KIF6: variants seen among roughly 807,000 people sequenced by gnomAD.
KIF6 encodes the protein kinesin-like protein KIF6.
In KIF6, 106 loss-of-function variants were observed where a neutral mutation model predicts 112.7. The ratio of observed to expected loss-of-function variants is 0.94; its 90% CI spans 0.80 to 1.11. The LOEUF (loss-of-function observed/expected upper bound fraction) is 1.11. KIF6 is among the 50% of genes least tolerant of loss of function. KIF6 has a pLI of 0.00. For synonymous variants in KIF6, 339 were observed against 339.9 expected (o/e 1.00, Z 0.03); for missense variants, 929 against 964.0 (o/e 0.96, Z 0.48).
At chr6:39,521,414 A>G (rs1355997577) in intron 13 of KIF6, among the ~76,000 whole-genome samples, 1 of 152,172 alleles carries the variant, frequency 6.6e-6, no homozygotes, top group Non-Finnish European at 1.5e-5. Flanking sequence ...CCAATTTTAT[A>G]AACATCCAAC....
intron 9 of KIF6, among the ~76,000 whole-genome samples, chr6:39,581,760 C>T (rs1204885702): frequency 6.6e-6 from 1 of 152,022 alleles, no homozygotes; most frequent in Non-Finnish European, 1.5e-5. Flanking sequence ...GGGCTTTAAT[C>T]TCTATTCCTT....
intron 13 of KIF6, 38 bp downstream of exon 13, chr6:39,539,965 A>G (rs1367088543): frequency 2.7e-6 from 4 of 1,476,958 alleles, no homozygotes; most frequent in Non-Finnish European, 2.8e-6. Context: ...GAAATCCATT[A>G]CAGACAATGA....
intron 3 of KIF6, among the ~76,000 whole-genome samples, chr6:39,700,823 A>G (rs1295360624): frequency 6.6e-6 from 1 of 151,428 alleles, no homozygotes; most frequent in Non-Finnish European, 1.5e-5. Context: ...AGCCATTCTC[A>G]TACCTCAACC....
At chr6:39,507,738 T>C (rs115902232) in intron 13 of KIF6, among the ~76,000 whole-genome samples, 3,174 of 143,912 alleles carry the variant, frequency 0.022, 79 homozygotes, top group African/African-American at 0.061. Flanking sequence ...CTTCCCTCCT[T>C]CCTTCCTTCC....
At chr6:39,583,008 T>C (rs1781378546) in intron 9 of KIF6, among the ~76,000 whole-genome samples, 1 of 152,222 alleles carries the variant, frequency 6.6e-6, no homozygotes, top group Non-Finnish European at 1.5e-5. Flanking sequence ...TTATCAGCTA[T>C]TAGCTTTTGA....
At position 39,544,683 on chromosome 6, in the gene KIF6, T is replaced by G; in HGVS notation, c.1298A>C (p.Asn433Thr). The change falls in exon 12 of 23, where the codon AAT becomes ACT. Residue 433 changes from asparagine to threonine, a missense_variant. By Grantham distance (65) the Asn-to-Thr change is moderately conservative (BLOSUM62 0). This residue lies in a region of KIF6 where 688 missense variants were observed against 662.7 expected (regional missense o/e 1.04). Coordinates refer to ENST00000287152, the MANE Select transcript of KIF6 (RefSeq NM_145027.6). Reference sequence around the variant, plus strand: ...ATTGTTTTCAAGGATCTTCTTGTCATTCAATAGTTTCTGTAAGATAAAATA... The same window carrying G: ...ATTGTTTTCAAGGATCTTCTTGTCAGTCAATAGTTTCTGTAAGATAAAATA... Reference protein sequence around the residue: ...HCFHHLKKLLNDKKILENNTV... With the variant: ...HCFHHLKKLLTDKKILENNTV... The G allele has an allele frequency of 6.3e-7, 1 of 1,592,898 alleles. No individual in the cohort carries two copies. Among genetic ancestry groups the G allele is most frequent in the Non-Finnish European group, 8.5e-7 (1 of 1,171,554 alleles).
At chr6:39,491,441 C>A (rs1344350815) in intron 13 of KIF6, among the ~76,000 whole-genome samples, 1 of 152,138 alleles carries the variant, frequency 6.6e-6, no homozygotes, top group Non-Finnish European at 1.5e-5. Context: ...CTAATCCCTT[C>A]CCAAACTCCT....
chr6:39,606,518 T>G (rs1782899253), intron 6 of KIF6, among the ~76,000 whole-genome samples: 1 of 152,126 alleles, frequency 6.6e-6, no homozygotes, highest in Admixed American at 6.6e-5. Flanking sequence ...AGAGGATAGG[T>G]GAGGAAATAT....
intron 13 of KIF6, among the ~76,000 whole-genome samples, chr6:39,531,022 CA>C (rs895469720): frequency 9.4e-5 from 14 of 149,024 alleles, no homozygotes; most frequent in East Asian, 2.0e-4. Context: ...GTAGTTTTGC[CA>C]AAAAAAAACA....
At chr6:39,523,417 G>A (rs1236171622) in intron 13 of KIF6, among the ~76,000 whole-genome samples, 2 of 151,736 alleles carry the variant, frequency 1.3e-5, no homozygotes, top group South Asian at 2.1e-4. Flanking sequence ...AGAAAATAAA[G>A]TTCTAAATTC....
At chr6:39,655,979 G>C (rs1266959832) in intron 3 of KIF6, among the ~76,000 whole-genome samples, 2 of 152,140 alleles carry the variant, frequency 1.3e-5, no homozygotes, top group African/African-American at 4.8e-5. Context: ...TTTGACCACA[G>C]AAGACATTTT....
chr6:39,486,382 T>C (rs371133730), intron 13 of KIF6, among the ~76,000 whole-genome samples: 9 of 152,154 alleles, frequency 5.9e-5, no homozygotes, highest in Admixed American at 4.6e-4. Context: ...GCACCCGTCA[T>C]GTGGATGGGC....
chr6:39,364,769 C>T (rs145108262), intron 16 of KIF6, among the ~76,000 whole-genome samples: 79 of 152,284 alleles, frequency 5.2e-4, no homozygotes, highest in Non-Finnish European at 6.6e-4. Flanking sequence ...GATTCTTGGT[C>T]TCAGAGAGGG....
intron 5 of KIF6, among the ~76,000 whole-genome samples, chr6:39,618,752 T>G (rs1366300545): frequency 6.6e-6 from 1 of 152,182 alleles, no homozygotes; most frequent in Non-Finnish European, 1.5e-5. Flanking sequence ...AGTCTCAACT[T>G]AAGCATTCCT....
chr6:39,710,703 G>A (rs1043754981), intron 3 of KIF6, among the ~76,000 whole-genome samples: 1 of 152,118 alleles, frequency 6.6e-6, no homozygotes, highest in Non-Finnish European at 1.5e-5. Context: ...AAAGAGAGGA[G>A]AACTATGAAT....
chr6:39,617,292 T>C (rs1027422403), intron 5 of KIF6, among the ~76,000 whole-genome samples: 1 of 152,182 alleles, frequency 6.6e-6, no homozygotes, highest in Admixed American at 6.5e-5. Context: ...TTGGAATTTG[T>C]AGACTCTTTT....
intron 3 of KIF6, among the ~76,000 whole-genome samples, chr6:39,676,136 A>G (rs1323155770): frequency 6.6e-6 from 1 of 152,034 alleles, no homozygotes; most frequent in Non-Finnish European, 1.5e-5. Context: ...AGGAAGCACA[A>G]TTAGTTCCAA....
At chr6:39,432,927 C>A (rs541131825) in intron 13 of KIF6, among the ~76,000 whole-genome samples, 4 of 152,060 alleles carry the variant, frequency 2.6e-5, no homozygotes, top group East Asian at 1.9e-4. Flanking sequence ...ATTGCTCCCC[C>A]CCGCAGGGGA....
At chr6:39,337,351 T>C (rs1236308534) in intron 22 of KIF6, among the ~76,000 whole-genome samples, 2 of 150,142 alleles carry the variant, frequency 1.3e-5, no homozygotes, top group African/African-American at 2.5e-5. Context: ...CTTGCTCTGT[T>C]ACCCAGGCTG....
Sources: gnomAD v4.1 joint callset for allele counts (sites outside exome capture counted in the v4.1 genomes callset) on GRCh38, gnomAD v4.1.1 for gene constraint, gnomAD v4.1.1 regional missense constraint, MANE v1.5 for transcripts, NCBI Gene and HGNC (gene_info 2026-07-23, HGNC 2026-07-21) for gene names.